Variants in PDE8B observed in about 807,000 individuals in gnomAD.
The protein encoded by PDE8B is high affinity cAMP-specific and IBMX-insensitive 3',5'-cyclic phosphodiesterase 8B.
Under a neutral mutation model 101.3 loss-of-function variants are expected in PDE8B, and 26 were observed. The ratio of observed to expected loss-of-function variants is 0.26; its 90% confidence interval spans 0.19 to 0.36. The LOEUF (loss-of-function observed/expected upper bound fraction) is 0.36. Ranked by LOEUF, PDE8B falls within the 10% of genes least tolerant of loss-of-function variation. PDE8B has a pLI of 1.00. For missense variants in PDE8B, 810 were observed against 1,163.1 expected (o/e 0.70, Z 4.42); for synonymous variants, 424 against 429.3 (o/e 0.99, Z 0.15).
rs1490190761 is a variant in PDE8B at position 77,290,530 on chromosome 5, A to G, written c.340-21464A>G. ...CCAAAACGAGGAGAAATAGTAAGACAGATTGACGATGCCTTGTGGGAGAAG... is the reference window on the plus strand; with the variant it reads ...CCAAAACGAGGAGAAATAGTAAGACGGATTGACGATGCCTTGTGGGAGAAG... On this transcript the variant is annotated intron_variant, in intron 1 of 21. Transcript: ENST00000264917. 1.4e-5 allele frequency: 20 copies of G among 1,476,296 alleles called. No individual in the cohort carries two copies. The East Asian group carries it at 4.5e-4, about 33-fold the overall frequency. The allele number at this position is 1,476,296 out of a possible 1,614,324, so 91.4% of individuals were successfully genotyped here.
chr5:77,193,708 C>A, the PDE8B span, among the ~76,000 whole-genome samples: 1 of 151,930 alleles, frequency 6.6e-6, no homozygotes, highest in East Asian at 1.9e-4. Context: ...CAGATATAAA[C>A]CTGTTGGGTT....
At chr5:77,180,967 CGTGTGTGTGTGTGTGT>C in the PDE8B span, among the ~76,000 whole-genome samples, 3 of 147,636 alleles carry the variant, frequency 2.0e-5, no homozygotes, top group South Asian at 2.2e-4. Context: ...GGTGTGTACA[CGTGTGTGTGTGTGTGT>C]GTGTGTGTGT....
At chr5:77,408,282 A>AT (rs1373983132) in intron 13 of PDE8B, among the ~76,000 whole-genome samples, 1 of 152,246 alleles carries the variant, frequency 6.6e-6, no homozygotes, top group Non-Finnish European at 1.5e-5. Context: ...TGGTGTGAGC[A>AT]TGAAGTGCTT....
chr5:77,260,748 C>A (rs1000421398), intron 1 of PDE8B, among the ~76,000 whole-genome samples: 1 of 151,946 alleles, frequency 6.6e-6, no homozygotes. Flanking sequence ...CCACCACACC[C>A]AGCTAATTTT....
At chr5:77,387,028 C>T (rs555070764) in intron 10 of PDE8B, among the ~76,000 whole-genome samples, 17 of 150,002 alleles carry the variant, frequency 1.1e-4, no homozygotes, top group South Asian at 6.4e-4. Flanking sequence ...GGACTACAGG[C>T]GCCCGCCACC....
intron 10 of PDE8B, among the ~76,000 whole-genome samples, chr5:77,367,154 AACACACAC>A (rs71736838): frequency 6.9e-6 from 1 of 144,842 alleles, no homozygotes; most frequent in Non-Finnish European, 1.5e-5. Context: ...GTTTTCTCAA[AACACACAC>A]ACACACACAC....
intron 1 of PDE8B, among the ~76,000 whole-genome samples, chr5:77,239,182 T>C (rs1172176977): frequency 6.6e-6 from 1 of 152,272 alleles, no homozygotes; most frequent in Non-Finnish European, 1.5e-5. Flanking sequence ...TTAAATCTTA[T>C]GGTGAATCTT....
chr5:77,210,936 C>T lies in PDE8B; in HGVS notation c.11C>T (p.Ala4Val), dbSNP rs1419104376. 7 of 1,491,778 alleles carry T rather than the reference C, an allele frequency of 4.7e-6. No homozygotes were observed. Among genetic ancestry groups the T allele is most frequent in the Middle Eastern group, 2.0e-4 (1 of 4,930 alleles). The allele number at this position is 1,491,778 out of a possible 1,614,324, so 92.4% of individuals were successfully genotyped here. The change falls in exon 1 of 22, where the codon GCC (alanine) becomes GTC (valine). Residue 4 changes from alanine to valine, a missense_variant. Ala to Val is a moderately conservative substitution (Grantham distance 64). Transcript: ENST00000264917. The surrounding 1 kb of genome is among the most constrained non-coding windows in gnomAD (Gnocchi z 4.9). MGC[A>V]PSIHVSQSGV... ...GAGCCCGGCCGAGGGATGGGCTGCG[C>T]CCCCAGCATCCATGTCTCGCAGAGC...
upstream of PDE8B, among the ~76,000 whole-genome samples, chr5:77,207,731 A>G (rs1580310269): frequency 1.3e-5 from 2 of 152,274 alleles, no homozygotes; most frequent in Middle Eastern, 3.4e-3. Flanking sequence ...CAGTTAAACC[A>G]TTTCCCCTCC....
the PDE8B span, among the ~76,000 whole-genome samples, chr5:77,192,944 C>G: frequency 1.3e-5 from 2 of 152,006 alleles, no homozygotes; most frequent in Non-Finnish European, 2.9e-5. Context: ...GATGCTGAGT[C>G]TTTTTTATAT....
chr5:77,098,121 T>A, the PDE8B span, among the ~76,000 whole-genome samples: 9 of 152,000 alleles, frequency 5.9e-5, no homozygotes, highest in African/African-American at 2.2e-4. Context: ...GGAAGAAACG[T>A]ATGTCAAAAT....
At chr5:77,225,717 A>G (rs1752190020) in intron 1 of PDE8B, among the ~76,000 whole-genome samples, 1 of 152,130 alleles carries the variant, frequency 6.6e-6, no homozygotes, top group South Asian at 2.1e-4. Context: ...CATCCAGTTT[A>G]AATTTAGGAC....
chr5:77,208,477 A>G (rs543879039), upstream of PDE8B, among the ~76,000 whole-genome samples: 6 of 152,314 alleles, frequency 3.9e-5, no homozygotes, highest in East Asian at 9.6e-4. Context: ...TGTTTTTGCA[A>G]TTTAACTCTG....
chr5:77,173,575 A>T, the PDE8B span, among the ~76,000 whole-genome samples: 1 of 152,216 alleles, frequency 6.6e-6, no homozygotes, highest in South Asian at 2.1e-4. Context: ...AAAGAATAGC[A>T]AGTGAGTCAA....
chr5:77,168,624 G>A, the PDE8B span, among the ~76,000 whole-genome samples: 1 of 152,362 alleles, frequency 6.6e-6, no homozygotes, highest in Non-Finnish European at 1.5e-5. Flanking sequence ...AGCCTTTAGG[G>A]ATGTGCCTGT....
chr5:77,143,648 A>AGGTGT, the PDE8B span, among the ~76,000 whole-genome samples: 6 of 152,152 alleles, frequency 3.9e-5, no homozygotes, highest in African/African-American at 1.4e-4. Flanking sequence ...CAGAGGAGAG[A>AGGTGT]GGTGTATCAG....
intron 2 of PDE8B, among the ~76,000 whole-genome samples, chr5:77,321,142 A>ATTTTTTTTTTTTTTTTTTTTTTTTTTT (rs10538529): frequency 3.9e-5 from 3 of 76,430 alleles, no homozygotes; most frequent in African/African-American, 5.0e-5. Flanking sequence ...CAGTATCTCT[A>ATTTTTTTTTTTTTTTTTTTTTTTTTTT]TTTTTTTTTT....
At chr5:77,164,964 A>C in the PDE8B span, among the ~76,000 whole-genome samples, 1 of 152,204 alleles carries the variant, frequency 6.6e-6, no homozygotes, top group Non-Finnish European at 1.5e-5. Flanking sequence ...ACAGGTCAAA[A>C]TAGTGGTATA....
the PDE8B span, among the ~76,000 whole-genome samples, chr5:77,161,622 G>A: frequency 6.6e-6 from 1 of 152,034 alleles, no homozygotes; most frequent in Non-Finnish European, 1.5e-5. Flanking sequence ...TCTAGAAGCA[G>A]AATTGTTAGG....
Sources: gnomAD v4.1 joint callset for allele counts (sites outside exome capture counted in the v4.1 genomes callset) on GRCh38, gnomAD v4.1.1 for gene constraint, Gnocchi (gnomAD v3.1) non-coding constraint, MANE v1.5 for transcripts, NCBI Gene and HGNC (gene_info 2026-07-23, HGNC 2026-07-21) for gene names.